CCSER1: variants seen among roughly 807,000 people sequenced by gnomAD.
CCSER1 encodes the protein serine-rich coiled-coil domain-containing protein 1.
In CCSER1, 41 loss-of-function variants were observed where a neutral mutation model predicts 82.0. The observed-to-expected ratio is 0.50, with a 90% CI of 0.39 to 0.65. The LOEUF is 0.65. Among genes scored for constraint, CCSER1 ranks in the 30% least tolerant of loss-of-function variants. The pLI is 0.00. For missense variants in CCSER1, 1,119 were observed against 1,064.2 expected, an observed-to-expected ratio of 1.05 and a Z score of -0.72; for synonymous variants, 414 against 383.9, an observed-to-expected ratio of 1.08 and a Z score of -0.92.
At chr4:91,250,703 T>C (rs1740183647) in intron 10 of CCSER1, among the ~76,000 whole-genome samples, 2 of 151,466 alleles carry the variant, frequency 1.3e-5, no homozygotes, top group Non-Finnish European at 2.9e-5. Flanking sequence ...TCAGAGTATC[T>C]TCCAAAGTGA....
At chr4:90,249,233 C>T (rs1381594864) in intron 1 of CCSER1, among the ~76,000 whole-genome samples, 4 of 152,138 alleles carry the variant, frequency 2.6e-5, no homozygotes, top group South Asian at 4.2e-4. Flanking sequence ...GGAAGACCAT[C>T]GACTAGAGAC....
intron 1 of CCSER1, among the ~76,000 whole-genome samples, chr4:90,164,805 T>C (rs1443682196): frequency 6.6e-6 from 1 of 152,102 alleles, no homozygotes; most frequent in East Asian, 1.9e-4. Context: ...CCCATACCCA[T>C]AGACTACTCT....
At chr4:90,359,692 T>G (rs141762396) in intron 3 of CCSER1, among the ~76,000 whole-genome samples, 44,068 of 151,240 alleles carry the variant, frequency 0.29, 6,548 homozygotes, top group East Asian at 0.44. Context: ...AGCCGACATG[T>G]CACCACTGCA....
At chr4:90,551,099 T>C (rs1777421922) in intron 5 of CCSER1, among the ~76,000 whole-genome samples, 1 of 152,182 alleles carries the variant, frequency 6.6e-6, no homozygotes, top group Non-Finnish European at 1.5e-5. Context: ...TTACTTTGGT[T>C]ACAATTAAGT....
chr4:91,307,104 A>T (rs1293138653), intron 10 of CCSER1, among the ~76,000 whole-genome samples: 1 of 151,980 alleles, frequency 6.6e-6, no homozygotes, highest in East Asian at 1.9e-4. Context: ...ATGATTTTTC[A>T]AATGAACATG....
intron 5 of CCSER1, among the ~76,000 whole-genome samples, chr4:90,495,284 A>G (rs1421339754): frequency 6.6e-6 from 1 of 152,188 alleles, no homozygotes; most frequent in Non-Finnish European, 1.5e-5. Context: ...TGTTGTGACT[A>G]GAGAATAGTG....
At chr4:90,226,592 A>T (rs1578599105) in intron 1 of CCSER1, among the ~76,000 whole-genome samples, 1 of 152,268 alleles carries the variant, frequency 6.6e-6, no homozygotes, top group South Asian at 2.1e-4. Flanking sequence ...GAATGGGAAG[A>T]TAAAACATGT....
At chr4:91,172,664 C>T (rs375191841) in intron 10 of CCSER1, among the ~76,000 whole-genome samples, 6 of 152,086 alleles carry the variant, frequency 3.9e-5, no homozygotes, top group East Asian at 1.9e-4. Flanking sequence ...ACACATAACA[C>T]GCGAGGCAGA....
intron 10 of CCSER1, among the ~76,000 whole-genome samples, chr4:91,210,071 T>A (rs1343770515): frequency 6.6e-6 from 1 of 151,622 alleles, no homozygotes; most frequent in Non-Finnish European, 1.5e-5. Context: ...TCTTATTATG[T>A]CACCAAGTGA....
rs185959328 is a variant in CCSER1, at chr4:91,141,383, C to A, written c.2217+55389C>A. On this transcript the variant is annotated intron_variant, in intron 10 of 10. Transcript: ENST00000509176. ...GCCAGGGTGGTCTCGAACTCCTGAC[C>A]TCAGGTGATCTGCCCGCCTTGGCCT... Among the ~76,000 whole-genome samples, 3 of 152,224 alleles carry A rather than the reference C, an allele frequency of 2.0e-5. No homozygotes were observed. The East Asian group carries it at 5.8e-4, about 29-fold the overall frequency.
In CCSER1 at chr4:91,087,506, G is replaced by A. The variant is rs1581522991; in HGVS notation, c.2217+1512G>A. Reference sequence around the variant, plus strand: ...TATTATAAGTGTACTTATAAGTAAGGAACATGGTAAAATGTGTTTAAATTA... The same window carrying A: ...TATTATAAGTGTACTTATAAGTAAGAAACATGGTAAAATGTGTTTAAATTA... On this transcript the variant is annotated intron_variant, in intron 10 of 10. Transcript: ENST00000509176. Among the ~76,000 whole-genome samples the A allele has an allele frequency of 2.0e-5, 3 of 152,050 alleles. No individual in the cohort carries two copies. The South Asian group carries it at 6.2e-4, about 32-fold the overall frequency.
At chr4:91,307,467 A>G (rs1430915630) in intron 10 of CCSER1, among the ~76,000 whole-genome samples, 1 of 151,992 alleles carries the variant, frequency 6.6e-6, no homozygotes, top group Non-Finnish European at 1.5e-5. Context: ...TACAGCTGTA[A>G]GCAAATTTTT....
intron 4 of CCSER1, among the ~76,000 whole-genome samples, chr4:90,422,435 CATAAA>C (rs1248729324): frequency 6.6e-6 from 1 of 151,994 alleles, no homozygotes; most frequent in African/African-American, 2.4e-5. Flanking sequence ...CTTTACAAAA[CATAAA>C]AGAAATTATC....
At chr4:91,531,689 A>G (rs1322631422) in intron 10 of CCSER1, among the ~76,000 whole-genome samples, 3 of 152,134 alleles carry the variant, frequency 2.0e-5, no homozygotes, top group Non-Finnish European at 4.4e-5. Context: ...AAAACAATTC[A>G]ATGTTGGGAA....
chr4:91,288,107 G>GATATATATATAGGAT (rs1560567877), intron 10 of CCSER1, among the ~76,000 whole-genome samples: 3 of 62,502 alleles, frequency 4.8e-5, no homozygotes, highest in African/African-American at 9.3e-5. Context: ...ATATATATAG[G>GATATATATATAGGAT]ATATATATAT....
intron 10 of CCSER1, among the ~76,000 whole-genome samples, chr4:91,194,545 A>G (rs1012440392): frequency 2.0e-5 from 3 of 152,012 alleles, no homozygotes; most frequent in African/African-American, 7.3e-5. Context: ...GAAAATTGAG[A>G]AAAAAAATTA....
intron 10 of CCSER1, among the ~76,000 whole-genome samples, chr4:91,270,824 T>C (rs776421428): frequency 6.6e-6 from 1 of 152,194 alleles, no homozygotes; most frequent in Non-Finnish European, 1.5e-5. Flanking sequence ...CTTCAGATAA[T>C]TTTGTCATTG....
chr4:91,335,494 C>A (rs773333365), intron 10 of CCSER1, among the ~76,000 whole-genome samples: 1 of 152,064 alleles, frequency 6.6e-6, no homozygotes, highest in African/African-American at 2.4e-5. Context: ...GTACTTCACT[C>A]ATTTTACTTA....
intron 5 of CCSER1, among the ~76,000 whole-genome samples, chr4:90,565,719 T>C (rs1033404716): frequency 6.6e-6 from 1 of 152,220 alleles, no homozygotes; most frequent in African/African-American, 2.4e-5. Context: ...ATGGTGAAAA[T>C]ATTTTGAATT....
Sources: gnomAD v4.1 joint callset for allele counts (sites outside exome capture counted in the v4.1 genomes callset) on GRCh38, gnomAD v4.1.1 for gene constraint, MANE v1.5 for transcripts, NCBI Gene and HGNC (gene_info 2026-07-23, HGNC 2026-07-21) for gene names.